Variants in FANCA observed in about 807,000 individuals in gnomAD.
FANCA encodes the protein FA complementation group A, also known as Fanconi anemia group A protein.
FANCA carries 236 observed loss-of-function variants against 194.3 expected under a neutral mutation model. That is an observed-to-expected ratio of 1.21 (90% confidence interval 1.09 to 1.35). The LOEUF (loss-of-function observed/expected upper bound fraction) is 1.35, where lower values mean the gene tolerates loss of function less well. FANCA is among the 40% of genes most tolerant of loss of function. The pLI, the probability that FANCA is intolerant of heterozygous loss-of-function variation, is 0.00. For missense variants in FANCA, 2,628 were observed against 1,813.9 expected (o/e 1.45, Z -8.15); for synonymous variants, 1,014 against 715.8 (o/e 1.42, Z -6.65).
At chr16:89,805,436 C>T in intron 6 of FANCA, 44 bp from the exon 7 acceptor site, 1 of 1,490,480 alleles carries the variant, frequency 6.7e-7, no homozygotes, top group South Asian at 1.1e-5. Flanking sequence ...AACTAAATCC[C>T]ATCATCAGGG....
rs1163190624 is a variant in FANCA, at chr16:89,738,105, C to T, written c.*496G>A. On this transcript the variant is annotated 3_prime_UTR_variant, in exon 43 of 43. Transcript: ENST00000389301. ...GCCGGCGGTTTGAGAAGGCCCACAA[C>T]CTCAATGTACACATGTCCATGGTGC... The T allele has an allele frequency of 1.9e-6, 3 of 1,613,866 alleles. No individual in the cohort carries two copies. The African/African-American group carries it at 4.0e-5, about 22-fold the overall frequency.
At chr16:89,800,085 A>C (rs1255604419) in intron 8 of FANCA, among the ~76,000 whole-genome samples, 1 of 152,256 alleles carries the variant, frequency 6.6e-6, no homozygotes, top group Non-Finnish European at 1.5e-5. Context: ...AGGGACCTAG[A>C]CAGAGTGAAA....
intron 29 of FANCA, among the ~76,000 whole-genome samples, chr16:89,759,238 T>C (rs924800850): frequency 6.5e-5 from 9 of 138,764 alleles, no homozygotes; most frequent in African/African-American, 2.2e-4. Context: ...GAGAATGGTA[T>C]GAACCTGGGA....
At chr16:89,776,948 A>C (rs1026911319) in intron 20 of FANCA, among the ~76,000 whole-genome samples, 2 of 152,200 alleles carry the variant, frequency 1.3e-5, no homozygotes, top group African/African-American at 2.4e-5. Flanking sequence ...ACAGTGGCTC[A>C]TATTTGTAAT....
chr16:89,779,028 G>C (rs200024284), intron 18 of FANCA, 25 bp from the exon 19 acceptor site: 35 of 1,610,698 alleles, frequency 2.2e-5, no homozygotes, highest in African/African-American at 1.3e-5. Flanking sequence ...AGCAGACAGT[G>C]CATCAGTCAG....
intron 37 of FANCA, 59 bp downstream of exon 37, chr16:89,742,741 G>C: frequency 6.4e-7 from 1 of 1,570,092 alleles, no homozygotes; most frequent in Non-Finnish European, 8.7e-7. Context: ...CAGAGAAATA[G>C]CACTGATTGA....
chr16:89,770,346 G>C (rs1044854844), intron 24 of FANCA, 87 bp from the exon 25 acceptor site: 1 of 1,275,512 alleles, frequency 7.8e-7, no homozygotes, highest in Non-Finnish European at 1.1e-6. Context: ...AGCGGCCGAA[G>C]AAAGAGCCAA....
intron 10 of FANCA, 84 bp downstream of exon 10, chr16:89,799,082 G>C (rs35912722): frequency 1.2e-6 from 2 of 1,614,084 alleles, no homozygotes; most frequent in African/African-American, 1.3e-5. Flanking sequence ...CTGAAGCTCT[G>C]GAAGTGTTTA....
At chr16:89,771,527 C>A (rs1268672665) in intron 23 of FANCA, 151 bp downstream of exon 23, 3 of 818,488 alleles carry the variant, frequency 3.7e-6, no homozygotes, top group Non-Finnish European at 6.0e-6. Context: ...GCAGCTGACC[C>A]TGGTACACCG....
At chr16:89,787,288 C>G (rs2039930287) in intron 14 of FANCA, among the ~76,000 whole-genome samples, 1 of 152,130 alleles carries the variant, frequency 6.6e-6, no homozygotes, top group Non-Finnish European at 1.5e-5. Flanking sequence ...CTTTGGGAGG[C>G]TGAGGCGGGC....
chr16:89,764,807 G>A lies in FANCA; in HGVS notation c.2778+83C>T, dbSNP rs750997715. 58 of 1,490,038 alleles carry A rather than the reference G, an allele frequency of 3.9e-5. No individual in the cohort carries two copies. Among genetic ancestry groups the A allele is most frequent in the Non-Finnish European group, 3.6e-5 (39 of 1,069,674 alleles). The allele number at this position is 1,490,038 out of a possible 1,614,324, so 92.3% of individuals were successfully genotyped here. A position where few individuals can be genotyped will look rare whatever the true frequency, so the allele number is the denominator to read the frequency against. On this transcript the variant is annotated intron_variant, in intron 28 of 42. Coordinates refer to ENST00000389301, the MANE Select transcript of FANCA (RefSeq NM_000135.4). Reference sequence around the variant, plus strand: ...TGCAGGGGAAGGAACGGTCACCTACGTGCTGCTGTTCTTGCCCGAGGAGCA... The same window carrying A: ...TGCAGGGGAAGGAACGGTCACCTACATGCTGCTGTTCTTGCCCGAGGAGCA...
intron 15 of FANCA, among the ~76,000 whole-genome samples, 174 bp from the exon 16 acceptor site, chr16:89,783,276 C>T (rs983441897): frequency 1.3e-5 from 2 of 152,066 alleles, no homozygotes; most frequent in Non-Finnish European, 2.9e-5. Context: ...ACAAGCCGGG[C>T]GCAGCGGCTT....
rs547408551 is a variant in FANCA, at chr16:89,750,379, C to T, written c.3067-477G>A. ...GTGCCTGTAGTCCCAGCGACTCAGG[C>T]GGCTGAGGCAGGAGAATGGCGTGAA... On this transcript the variant is annotated intron_variant, in intron 31 of 42. Coordinates refer to ENST00000389301, the MANE Select transcript of FANCA (RefSeq NM_000135.4). 9.9e-5 allele frequency among the ~76,000 whole-genome samples: 15 copies of T among 151,822 alleles called. No homozygotes were observed. In the South Asian group the frequency reaches 2.3e-3, roughly 23 times the overall value.
intron 21 of FANCA, among the ~76,000 whole-genome samples, chr16:89,774,624 G>A (rs2039433786): frequency 1.3e-5 from 2 of 150,786 alleles, no homozygotes; most frequent in Admixed American, 6.7e-5. Flanking sequence ...CAGCCACTCG[G>A]GAGGCTGAGG....
At chr16:89,804,543 C>A (rs574203212) in intron 7 of FANCA, among the ~76,000 whole-genome samples, 6 of 152,188 alleles carry the variant, frequency 3.9e-5, no homozygotes, top group Non-Finnish European at 8.8e-5. Context: ...AACTACTCCT[C>A]AAGCTGGACT....
chr16:89,752,047 G>A (rs2038613224), intron 31 of FANCA, 91 bp downstream of exon 31: 2 of 1,146,302 alleles, frequency 1.7e-6, no homozygotes, highest in Admixed American at 1.7e-5. Context: ...TGGGATTACA[G>A]GCGTGAGCCA....
At chr16:89,772,092 C>A (rs981177478) in intron 22 of FANCA, among the ~76,000 whole-genome samples, 3 of 152,228 alleles carry the variant, frequency 2.0e-5, no homozygotes, top group Non-Finnish European at 4.4e-5. Context: ...ATGAACCTCC[C>A]CATCTGAAAT....
chr16:89,816,612 A>G lies in FANCA; in HGVS notation c.4T>C (p.Ser2Pro), dbSNP rs2041144813. 6.6e-7 allele frequency: 1 copy of G among 1,524,800 alleles called. No individual in the cohort carries two copies. Among genetic ancestry groups the G allele is most frequent in the South Asian group, 1.2e-5 (1 of 82,850 alleles). The allele number at this position is 1,524,800 out of a possible 1,614,324, so 94.5% of individuals were successfully genotyped here. Reference protein sequence around the residue: MSDSWVPNSASG... With the variant: MPDSWVPNSASG... ...GCGGAGTTCGGGACCCACGAGTCGG[A>G]CATGGCCTTGGCGCCTACAGCCCCG... is the stretch of plus-strand genomic sequence containing the variant. Residue 2 changes from serine to proline, a missense_variant, in exon 1 of 43, where the codon TCC becomes CCC. Transcript: ENST00000389301.
At chr16:89,754,248 C>A (rs1434845394) in intron 30 of FANCA, among the ~76,000 whole-genome samples, 2 of 117,220 alleles carry the variant, frequency 1.7e-5, no homozygotes, top group East Asian at 5.1e-4. Flanking sequence ...AACAAAACAA[C>A]AACAAAAAAA....
Sources: gnomAD v4.1 joint callset for allele counts (sites outside exome capture counted in the v4.1 genomes callset) on GRCh38, gnomAD v4.1.1 for gene constraint, MANE v1.5 for transcripts, NCBI Gene and HGNC (gene_info 2026-07-23, HGNC 2026-07-21) for gene names.